BRAF: variants seen among roughly 807,000 people sequenced by gnomAD.
The protein encoded by BRAF is B-Raf proto-oncogene, serine/threonine kinase.
A neutral mutation model predicts 104.6 loss-of-function variants in BRAF; 16 were observed. That is an observed-to-expected ratio of 0.15 (90% CI 0.10 to 0.23). The LOEUF is 0.23. Among genes scored for constraint, BRAF ranks in the 10% least tolerant of loss-of-function variants. The probability of loss-of-function intolerance (pLI) is 1.00; values close to 1 mark genes in which losing one functional copy is unlikely to be tolerated. For synonymous variants in BRAF, 310 were observed against 341.6 expected, an observed-to-expected ratio of 0.91 and a Z score of 1.02; for missense variants, 541 against 937.3, an observed-to-expected ratio of 0.58 and a Z score of 5.52.
chr7:140,744,759 T>A (rs1797214482), intron 17 of BRAF, among the ~76,000 whole-genome samples: 1 of 152,214 alleles, frequency 6.6e-6, no homozygotes, highest in South Asian at 2.1e-4. Context: ...AAAAGCCCCA[T>A]GTCATTCATT....
At chr7:140,719,318 T>G (rs1014579270), downstream of BRAF, 1 of 931,170 alleles carries the variant, frequency 1.1e-6, no homozygotes, top group Admixed American at 6.0e-5. Context: ...GTTAGAAAAA[T>G]AGTCTTGATG....
chr7:140,841,763 T>C (rs1400372435), intron 2 of BRAF, among the ~76,000 whole-genome samples: 4 of 152,106 alleles, frequency 2.6e-5, no homozygotes, highest in African/African-American at 4.8e-5. Context: ...AGGGTTTCTT[T>C]TGGGGAGTGA....
In BRAF at chr7:140,785,789, C is replaced by T. The variant is rs1801293350; in HGVS notation, c.1197G>A (p.Met399Ile). The T allele has an allele frequency of 5.0e-6, 2 of 398,864 alleles. No individual in the cohort carries two copies. The highest frequency in any genetic ancestry group is 2.1e-5 in the African/African-American group (1 of 48,580). 24.7% of individuals were successfully genotyped at this position (398,864 alleles called of 1,614,324 possible). A position where few individuals can be genotyped will look rare whatever the true frequency, so the allele number is the denominator to read the frequency against. Residue 399 changes from methionine (M) to isoleucine (I), a missense_variant, in exon 10 of 20, where the codon ATG becomes ATA. Coordinates refer to ENST00000644969, the MANE Select transcript of BRAF (RefSeq NM_001374258.1). Reference sequence around the variant, plus strand: ...GGGATTGGTATTTCCGAAGACAGCGCATCAGCTGGTTCAAAGGGGCTGTTA... The same window carrying T: ...GGGATTGGTATTTCCGAAGACAGCGTATCAGCTGGTTCAAAGGGGCTGTTA... ...RGDGAPLNQL[M>I]RCLRKYQSRT...
chr7:140,867,126 G>C (rs957969325), intron 1 of BRAF, among the ~76,000 whole-genome samples: 1 of 152,110 alleles, frequency 6.6e-6, no homozygotes, highest in East Asian at 1.9e-4. Context: ...CTTATACAGT[G>C]CCTACCTTGT....
chr7:140,768,770 T>C (rs1448669006), intron 14 of BRAF, among the ~76,000 whole-genome samples: 1 of 152,168 alleles, frequency 6.6e-6, no homozygotes, highest in East Asian at 1.9e-4. Context: ...ATGCTAGTAG[T>C]ACAGGCATGA....
At chr7:140,890,551 C>T (rs1383041400) in intron 1 of BRAF, among the ~76,000 whole-genome samples, 1 of 152,036 alleles carries the variant, frequency 6.6e-6, no homozygotes, top group African/African-American at 2.4e-5. Flanking sequence ...GATTTAGTAA[C>T]TTCTCACTCT....
chr7:140,776,190 C>A (rs1800322900), intron 14 of BRAF, among the ~76,000 whole-genome samples: 1 of 152,130 alleles, frequency 6.6e-6, no homozygotes, highest in South Asian at 2.1e-4. Flanking sequence ...TAAGTGAAAG[C>A]AATTTGTAAA....
intron 4 of BRAF, chr7:140,808,366 A>G (rs1347074534): frequency 4.3e-6 from 2 of 467,286 alleles, no homozygotes; most frequent in Admixed American, 2.8e-5. Context: ...AAAAAAAAAA[A>G]AAAAAAAAAA....
chr7:140,919,014 CTGTAG>C (rs1817922174), intron 1 of BRAF, among the ~76,000 whole-genome samples: 3 of 152,058 alleles, frequency 2.0e-5, no homozygotes, highest in African/African-American at 7.2e-5. Flanking sequence ...TGGCAGGCGC[CTGTAG>C]TCCCAGCTAC....
chr7:140,738,160 T>C (rs1796598005), intron 18 of BRAF, among the ~76,000 whole-genome samples: 1 of 152,160 alleles, frequency 6.6e-6, no homozygotes, highest in Non-Finnish European at 1.5e-5. Context: ...AAATAAAAAC[T>C]CTTCCTCAAA....
chr7:140,902,067 C>T (rs974583037), intron 1 of BRAF, among the ~76,000 whole-genome samples: 21 of 152,200 alleles, frequency 1.4e-4, no homozygotes, highest in African/African-American at 5.1e-4. Flanking sequence ...CTTTACTGCT[C>T]TTAGCGGATA....
At chr7:140,764,603 T>G (rs1270489042) in intron 14 of BRAF, among the ~76,000 whole-genome samples, 10 of 152,186 alleles carry the variant, frequency 6.6e-5, no homozygotes, top group Non-Finnish European at 4.4e-5. Flanking sequence ...AGCAAAGTCT[T>G]GGGATACAAA....
intron 1 of BRAF, among the ~76,000 whole-genome samples, chr7:140,872,055 A>G (rs1054404490): frequency 2.6e-5 from 4 of 152,068 alleles, no homozygotes; most frequent in African/African-American, 9.7e-5. Flanking sequence ...GTTTCCACTA[A>G]AAGTACAAAA....
chr7:140,783,542 T>C (rs1182552525), intron 10 of BRAF: 2 of 232,484 alleles, frequency 8.6e-6, no homozygotes, highest in Non-Finnish European at 1.7e-5. Flanking sequence ...AACAAATACA[T>C]TTTTAATTAA....
At chr7:140,778,572 A>G (rs978673011) in intron 12 of BRAF, among the ~76,000 whole-genome samples, 2 of 152,012 alleles carry the variant, frequency 1.3e-5, no homozygotes, top group Non-Finnish European at 2.9e-5. Context: ...AATGACTAAA[A>G]CTGTCACTAA....
chr7:140,861,971 G>C (rs976814981), intron 1 of BRAF, among the ~76,000 whole-genome samples: 1 of 152,116 alleles, frequency 6.6e-6, no homozygotes, highest in African/African-American at 2.4e-5. Flanking sequence ...TGGTAACTGG[G>C]GTGGCCTTAA....
chr7:140,734,016 T>C (rs1796183548), intron 19 of BRAF: 2 of 1,036,330 alleles, frequency 1.9e-6, no homozygotes, highest in Non-Finnish European at 1.2e-6. Context: ...TCAAAATTTA[T>C]AAAAAGAAAC....
At chr7:140,858,594 C>T (rs1053570571) in intron 1 of BRAF, among the ~76,000 whole-genome samples, 2 of 152,112 alleles carry the variant, frequency 1.3e-5, no homozygotes, top group Non-Finnish European at 2.9e-5. Flanking sequence ...TAATTCAGTG[C>T]ATGCAGAGTG....
chr7:140,723,362 A>G lies in BRAF; in HGVS notation c.*3132T>C, dbSNP rs568757289. 22 of 1,055,240 alleles carry G rather than the reference A, an allele frequency of 2.1e-5. No homozygotes were observed. The highest frequency in any genetic ancestry group is 2.4e-5 in the Non-Finnish European group (21 of 873,182). The allele number at this position is 1,055,240 out of a possible 1,614,324, so 65.4% of individuals were successfully genotyped here. ...TATATACTGCTCTTTCTTCTCCAAC[A>G]CCAACATAAATATAGCATATATCAT... On this transcript the variant is annotated 3_prime_UTR_variant, in exon 20 of 20. Transcript: ENST00000644969.
Sources: gnomAD v4.1 joint callset for allele counts (sites outside exome capture counted in the v4.1 genomes callset) on GRCh38, gnomAD v4.1.1 for gene constraint, MANE v1.5 for transcripts, NCBI Gene and HGNC (gene_info 2026-07-23, HGNC 2026-07-21) for gene names.